The following ZNF232 variants were observed in gnomAD, a reference collection of about 807,000 sequenced individuals.
The protein encoded by ZNF232 is zinc finger protein 232.
A neutral mutation model predicts 25.2 loss-of-function variants in ZNF232; 25 were observed. The ratio of observed to expected loss-of-function variants is 0.99; its 90% CI spans 0.72 to 1.39. The LOEUF (loss-of-function observed/expected upper bound fraction) is 1.39. Ranked by LOEUF, ZNF232 falls within the 40% of genes most tolerant of loss-of-function variation. The pLI is 0.00. For synonymous variants in ZNF232, 193 were observed against 182.9 expected, an observed-to-expected ratio of 1.06 and a Z score of -0.45; for missense variants, 519 against 520.9, an observed-to-expected ratio of 1.00 and a Z score of 0.04.
intron 1 of ZNF232, 110 bp from the exon 2 acceptor site, chr17:5,109,978 C>G: frequency 9.2e-7 from 1 of 1,089,896 alleles, no homozygotes; most frequent in Non-Finnish European, 1.3e-6. Context: ...CAACCTCCAC[C>G]CCCGGGGTTC....
chr17:5,109,644 C>T, exon 2 of ZNF232: 3 of 1,614,218 alleles, frequency 1.9e-6, no homozygotes, highest in Non-Finnish European at 2.5e-6. Flanking sequence ...GCGGAGATGC[C>T]TGAAGCGTTG....
chr17:5,109,622 A>T, exon 2 of ZNF232: 1 of 1,614,216 alleles, frequency 6.2e-7, no homozygotes, highest in Non-Finnish European at 8.5e-7. Flanking sequence ...GGGGACCAGG[A>T]GTCTCCTGGT....
chr17:5,108,303 G>GCC (rs1814663736), intron 3 of ZNF232, among the ~76,000 whole-genome samples: 1 of 152,144 alleles, frequency 6.6e-6, no homozygotes, highest in South Asian at 2.1e-4. Flanking sequence ...TCTAGTGTTC[G>GCC]CCGCTGGGAG....
intron 1 of ZNF232, among the ~76,000 whole-genome samples, chr17:5,122,125 CG>C (rs896956881): frequency 1.1e-5 from 1 of 89,760 alleles, no homozygotes; most frequent in African/African-American, 4.4e-5. Flanking sequence ...AGAAGTCCTG[CG>C]GGGTGGAGGG....
chr17:5,108,092 T>C (rs2072305370), intron 3 of ZNF232, among the ~76,000 whole-genome samples: 1 of 152,188 alleles, frequency 6.6e-6, no homozygotes, highest in Admixed American at 6.5e-5. Context: ...GTCTAATTAA[T>C]CTCCATTTCT....
rs149294602 is a variant in ZNF232 at position 5,107,135 on chromosome 17, C to T, written c.626-629G>A. Among the ~76,000 whole-genome samples, 1,142 of 151,360 alleles carry T rather than the reference C, an allele frequency of 7.5e-3. 15 individuals carry two copies. Among genetic ancestry groups the T allele is most frequent in the African/African-American group, 0.027 (1,102 of 41,208 alleles). ...CGGGCGTGGTGGCTCACACCTGTAA[C>T]CCCAGCACTTTGGGAGGCCAGGGCG... is the stretch of plus-strand genomic sequence containing the variant. On this transcript the variant is annotated intron_variant, in intron 3 of 3. Transcript: ENST00000575898.
At chr17:5,108,136 A>AT (rs754361394) in intron 3 of ZNF232, among the ~76,000 whole-genome samples, 5 of 151,760 alleles carry the variant, frequency 3.3e-5, no homozygotes, top group Non-Finnish European at 5.9e-5. Flanking sequence ...GAAGAATTTG[A>AT]TTTTTCAAAT....
At chr17:5,114,403 T>G (rs73976311), upstream of ZNF232, 20,651 of 152,360 alleles carry the variant, frequency 0.14, 1,602 homozygotes, top group African/African-American at 0.21. Context: ...ATTCATTGCA[T>G]TCACAAAGTT....
At chr17:5,115,937 C>T (rs1470936544), upstream of ZNF232, among the ~76,000 whole-genome samples, 6 of 152,148 alleles carry the variant, frequency 3.9e-5, no homozygotes, top group Non-Finnish European at 8.8e-5. Flanking sequence ...GGGATAGCGC[C>T]GGGGGATCGG....
intron 1 of ZNF232, among the ~76,000 whole-genome samples, chr17:5,118,611 A>C (rs891423799): frequency 6.6e-6 from 1 of 152,226 alleles, no homozygotes; most frequent in African/African-American, 2.4e-5. Flanking sequence ...GCAAAGGGTG[A>C]GTGTGACAGC....
At chr17:5,113,225 A>C (rs572461451), upstream of ZNF232, 1 of 152,224 alleles carries the variant, frequency 6.6e-6, no homozygotes, top group Non-Finnish European at 1.5e-5. Flanking sequence ...AGTGCCATTG[A>C]TAATTACTGC....
upstream of ZNF232, chr17:5,111,888 G>A (rs2072424570): frequency 1.9e-6 from 3 of 1,603,050 alleles, no homozygotes; most frequent in Admixed American, 1.7e-5. Context: ...CGCCTGCGCA[G>A]GTCGCAGCCT....
At chr17:5,112,711 C>T (rs939188713), upstream of ZNF232, among the ~76,000 whole-genome samples, 9 of 152,028 alleles carry the variant, frequency 5.9e-5, no homozygotes, top group Non-Finnish European at 1.0e-4. Flanking sequence ...CTCGGCCTCC[C>T]AAAGTGCTGG....
chr17:5,112,698 C>T (rs1567760356), upstream of ZNF232, among the ~76,000 whole-genome samples: 3 of 152,000 alleles, frequency 2.0e-5, no homozygotes. Context: ...GTGATCCGCC[C>T]GTCTCGGCCT....
upstream of ZNF232, among the ~76,000 whole-genome samples, chr17:5,112,763 A>AGACATGGTGGCC (rs778706923): frequency 2.7e-3 from 396 of 148,188 alleles, no homozygotes; most frequent in Non-Finnish European, 4.9e-3. Context: ...TTTTTTTTTG[A>AGACATGGTGGCC]GACATGGTGG....
At chr17:5,115,028 C>A (rs1162702561), upstream of ZNF232, 1 of 152,134 alleles carries the variant, frequency 6.6e-6, no homozygotes, top group Non-Finnish European at 1.5e-5. Flanking sequence ...TATTTTGTTA[C>A]GGCAGCCCGA....
intron 3 of ZNF232, among the ~76,000 whole-genome samples, chr17:5,108,312 AGAGAG>A (rs1376751653): frequency 6.6e-6 from 1 of 152,116 alleles, no homozygotes; most frequent in Non-Finnish European, 1.5e-5. Context: ...CGCCGCTGGG[AGAGAG>A]GAGAGGTTGT....
chr17:5,112,132 TTCA>T, upstream of ZNF232: 2 of 483,390 alleles, frequency 4.1e-6, no homozygotes, highest in Non-Finnish European at 7.3e-6. Flanking sequence ...AGCGGGTGAC[TTCA>T]TCAAGTTTGG....
intron 1 of ZNF232, chr17:5,120,479 C>T (rs1161462381): frequency 6.2e-6 from 2 of 323,680 alleles, no homozygotes; most frequent in African/African-American, 2.2e-5. Context: ...TCCACCTCCA[C>T]CTTCAGGGTG....
Sources: allele counts gnomAD v4.1 joint callset (sites outside exome capture counted in the v4.1 genomes callset), GRCh38; gene constraint gnomAD v4.1.1; transcripts MANE v1.5; gene names NCBI Gene and HGNC (gene_info 2026-07-23, HGNC 2026-07-21).